The following ROBO2 variants were observed in gnomAD, a reference collection of about 807,000 sequenced individuals.
The protein encoded by ROBO2 is roundabout guidance receptor 2, also known as roundabout homolog 2.
A neutral mutation model predicts 160.8 loss-of-function variants in ROBO2; 53 were observed. That is an observed-to-expected ratio of 0.33 (90% CI 0.26 to 0.41). The LOEUF is 0.41. ROBO2 is among the 10% of genes least tolerant of loss of function. ROBO2 has a pLI of 1.00. For synonymous variants in ROBO2, 664 were observed against 611.7 expected (o/e 1.09, Z -1.26); for missense variants, 1,577 against 1,722.4 (o/e 0.92, Z 1.49).
intron 2 of ROBO2, among the ~76,000 whole-genome samples, chr3:76,642,507 C>G (rs1041996622): frequency 6.6e-6 from 1 of 151,874 alleles, no homozygotes; most frequent in African/African-American, 2.4e-5. Flanking sequence ...CATGCGCCAC[C>G]ACGCCCTGCC....
intron 2 of ROBO2, among the ~76,000 whole-genome samples, chr3:77,360,594 A>T (rs1017599965): frequency 1.3e-5 from 2 of 150,048 alleles, no homozygotes; most frequent in African/African-American, 5.1e-5. Context: ...TGAAAATGCT[A>T]GGAGTAATTT....
At chr3:76,066,467 C>G (rs1401986231) in intron 2 of ROBO2, among the ~76,000 whole-genome samples, 2 of 151,632 alleles carry the variant, frequency 1.3e-5, no homozygotes, top group Admixed American at 1.3e-4. Flanking sequence ...TATAATGAAC[C>G]ATTTTCTTAA....
intron 2 of ROBO2, among the ~76,000 whole-genome samples, chr3:76,430,379 C>T (rs915481171): frequency 2.6e-5 from 4 of 152,118 alleles, no homozygotes; most frequent in Admixed American, 6.5e-5. Context: ...ATCACAACTA[C>T]GTAAAAACTG....
intron 2 of ROBO2, among the ~76,000 whole-genome samples, chr3:77,115,978 G>A (rs2074158523): frequency 6.6e-6 from 1 of 152,082 alleles, no homozygotes; most frequent in Non-Finnish European, 1.5e-5. Context: ...AACCCCACAA[G>A]GCTGCAAGTC....
intron 2 of ROBO2, among the ~76,000 whole-genome samples, chr3:76,537,338 T>C (rs2082561742): frequency 6.6e-6 from 1 of 152,138 alleles, no homozygotes. Flanking sequence ...AGTGCCGTTT[T>C]CTGGCCATTT....
chr3:77,562,546 T>G, intron 9 of ROBO2, 105 bp from the exon 11 acceptor site: 1 of 761,816 alleles, frequency 1.3e-6, no homozygotes, highest in Non-Finnish European at 2.3e-6. Flanking sequence ...GACAACAAAA[T>G]GATACATCTA....
At chr3:76,037,360 C>T (rs141906168) in intron 2 of ROBO2, among the ~76,000 whole-genome samples, 4,332 of 150,822 alleles carry the variant, frequency 0.029, 93 homozygotes, top group Non-Finnish European at 0.046. Flanking sequence ...TGGCTTCAAG[C>T]GATTCTGCTG....
chr3:77,105,608 C>A (rs2072686387), intron 2 of ROBO2, among the ~76,000 whole-genome samples: 1 of 152,122 alleles, frequency 6.6e-6, no homozygotes, highest in South Asian at 2.1e-4. Flanking sequence ...AATTGCTACA[C>A]CTGGGGAACG....
exon 3 of ROBO2, chr3:77,477,484 G>A (rs2084154150): frequency 1.2e-6 from 2 of 1,614,022 alleles, no homozygotes; most frequent in South Asian, 1.1e-5. Flanking sequence ...CAATCCTGGA[G>A]TGCCAGCCTC....
chr3:77,310,749 A>C (rs931912204), intron 2 of ROBO2, among the ~76,000 whole-genome samples: 1 of 152,022 alleles, frequency 6.6e-6, no homozygotes, highest in African/African-American at 2.4e-5. Context: ...ATTTAGAACA[A>C]CCCTGTATTA....
intron 2 of ROBO2, among the ~76,000 whole-genome samples, chr3:76,969,200 T>C (rs2059450784): frequency 6.6e-6 from 1 of 152,170 alleles, no homozygotes; most frequent in Non-Finnish European, 1.5e-5. Flanking sequence ...CTATTGCAGA[T>C]TTTAGAATCA....
intron 2 of ROBO2, among the ~76,000 whole-genome samples, chr3:76,816,368 G>A (rs1490503287): frequency 6.6e-6 from 1 of 152,020 alleles, no homozygotes; most frequent in Non-Finnish European, 1.5e-5. Flanking sequence ...TTAGCGCCAT[G>A]CGGTATTCGA....
intron 2 of ROBO2, among the ~76,000 whole-genome samples, chr3:76,882,973 C>T (rs1577235523): frequency 2.0e-5 from 3 of 152,216 alleles, no homozygotes; most frequent in Admixed American, 1.3e-4. Flanking sequence ...GTTAGCGTTA[C>T]TTGTATCTGT....
At chr3:76,472,606 T>C (rs2078725756) in intron 2 of ROBO2, among the ~76,000 whole-genome samples, 1 of 152,318 alleles carries the variant, frequency 6.6e-6, no homozygotes, top group East Asian at 1.9e-4. Flanking sequence ...CTGTGCTGAT[T>C]TCTTTAGAAT....
chr3:76,153,946 C>T (rs576204269), intron 2 of ROBO2, among the ~76,000 whole-genome samples: 3 of 152,184 alleles, frequency 2.0e-5, no homozygotes, highest in South Asian at 2.1e-4. Flanking sequence ...GATAGTACTT[C>T]GAGCCTATAA....
chr3:76,239,971 C>T lies in ROBO2; in HGVS notation c.109+302369C>T, dbSNP rs556866822. Among the ~76,000 whole-genome samples the T allele has an allele frequency of 2.8e-4, 42 of 151,998 alleles. No individual in the cohort carries two copies. The South Asian group carries it at 8.3e-3, about 30-fold the overall frequency. On this transcript the variant is annotated intron_variant, in intron 2 of 26. Transcript: ENST00000487694. ...GCAGGCACGTTGGGAGTGAAACAGG[C>T]AGGAGGAAGACATGGTACACGATGA... is the stretch of plus-strand genomic sequence containing the variant.
intron 2 of ROBO2, among the ~76,000 whole-genome samples, chr3:76,201,885 A>G (rs574353234): frequency 3.6e-4 from 30 of 84,030 alleles, no homozygotes; most frequent in Admixed American, 8.1e-4. Context: ...ACAACGAGAA[A>G]TGTCAAAAAA....
At chr3:77,246,831 G>T (rs977018708) in intron 2 of ROBO2, among the ~76,000 whole-genome samples, 6 of 151,972 alleles carry the variant, frequency 3.9e-5, no homozygotes, top group African/African-American at 1.5e-4. Context: ...GAGTATAGCT[G>T]GTCTTCATCT....
intron 2 of ROBO2, among the ~76,000 whole-genome samples, chr3:76,865,129 T>C (rs2148642486): frequency 6.6e-6 from 1 of 152,114 alleles, no homozygotes; most frequent in East Asian, 1.9e-4. Flanking sequence ...ATTTCTTTTC[T>C]TTCTAAAAAA....
Sources: gnomAD v4.1 joint callset for allele counts (sites outside exome capture counted in the v4.1 genomes callset) on GRCh38, gnomAD v4.1.1 for gene constraint, MANE v1.5 for transcripts, NCBI Gene and HGNC (gene_info 2026-07-23, HGNC 2026-07-21) for gene names.